Variants in RAB11FIP5 observed in about 807,000 individuals in gnomAD.
RAB11FIP5 encodes the protein RAB11 family interacting protein 5.
Under a neutral mutation model 85.1 loss-of-function variants are expected in RAB11FIP5, and 48 were observed. The observed-to-expected ratio is 0.56, with a 90% CI of 0.45 to 0.72. The LOEUF (loss-of-function observed/expected upper bound fraction) is 0.72. Among genes scored for constraint, RAB11FIP5 ranks in the 30% least tolerant of loss-of-function variants. RAB11FIP5 has a pLI of 0.00. For synonymous variants in RAB11FIP5, 729 were observed against 727.3 expected, an observed-to-expected ratio of 1.00 and a Z score of -0.04; for missense variants, 1,491 against 1,687.0, an observed-to-expected ratio of 0.88 and a Z score of 2.04.
chr2:73,075,363 GCCCCCTTCCA>G lies in RAB11FIP5; in HGVS notation c.*148_*157del. ...GATGCCTCCAAAGGGAATCCAGAGGGCCCCCTTCCAGCAGCCCCAGTTGAGGCAGGAGGGA... is the reference window on the plus strand; with the variant it reads ...GATGCCTCCAAAGGGAATCCAGAGGGGCAGCCCCAGTTGAGGCAGGAGGGA... On this transcript the variant is annotated 3_prime_UTR_variant, in exon 6 of 6. Transcript: ENST00000486777. The surrounding 1 kb of genome is among the most constrained non-coding windows in gnomAD (Gnocchi z 4.6). 1 of 784,748 alleles carries G rather than the reference GCCCCCTTCCA, an allele frequency of 1.3e-6. No individual in the cohort carries two copies. The highest frequency in any genetic ancestry group is 2.2e-6 in the Non-Finnish European group (1 of 451,616). 48.6% of individuals were successfully genotyped at this position (784,748 alleles called of 1,614,324 possible).
intron 1 of RAB11FIP5, among the ~76,000 whole-genome samples, chr2:73,090,281 C>T (rs989690007): frequency 7.2e-5 from 11 of 152,178 alleles, no homozygotes; most frequent in Admixed American, 3.9e-4. Flanking sequence ...ACATGGCCAC[C>T]ACACAGGGTG....
intron 3 of RAB11FIP5, among the ~76,000 whole-genome samples, chr2:73,085,383 T>C (rs908042744): frequency 1.3e-5 from 2 of 152,196 alleles, no homozygotes; most frequent in East Asian, 1.9e-4. Flanking sequence ...CTATGGTTAG[T>C]GTGGGGGGCG....
chr2:73,089,513 G>C lies in RAB11FIP5; in HGVS notation c.432-198C>G. 1 of 684,766 alleles carries C rather than the reference G, an allele frequency of 1.5e-6. No individual in the cohort carries two copies. Among genetic ancestry groups the C allele is most frequent in the Non-Finnish European group, 2.6e-6 (1 of 381,960 alleles). The allele number at this position is 684,766 out of a possible 1,614,324, so 42.4% of individuals were successfully genotyped here. On this transcript the variant is annotated intron_variant, in intron 1 of 5. Coordinates refer to ENST00000486777, the MANE Select transcript of RAB11FIP5 (RefSeq NM_001371272.1). The surrounding 1 kb of genome is among the most constrained non-coding windows in gnomAD (Gnocchi z 4.6). ...GAGAAACTATCCAAAACATTTCCATGATGGAGAAAACCACATCCTGAGTGG... is the reference window on the plus strand; with the variant it reads ...GAGAAACTATCCAAAACATTTCCATCATGGAGAAAACCACATCCTGAGTGG...
chr2:73,082,263 C>T (rs780021915), intron 3 of RAB11FIP5, among the ~76,000 whole-genome samples: 7 of 152,142 alleles, frequency 4.6e-5, no homozygotes, highest in Non-Finnish European at 8.8e-5. Flanking sequence ...CCCACCTGGC[C>T]TCCCAAAGTT....
rs1684093601 is a variant in RAB11FIP5, at chr2:73,086,632, G to A, written c.1568+1418C>T. 6.6e-6 allele frequency among the ~76,000 whole-genome samples: 1 copy of A among 152,182 alleles called. No individual in the cohort carries two copies. The highest frequency in any genetic ancestry group is 2.4e-5 in the African/African-American group (1 of 41,440). ...AGCAAATGCCCTGTCCAGATCTCCT[G>A]CTACCTCCCTCTACCCTACCACCTC... On this transcript the variant is annotated intron_variant, in intron 3 of 5. Coordinates refer to ENST00000486777, the MANE Select transcript of RAB11FIP5 (RefSeq NM_001371272.1). This position sits in a 1 kb window ranked among gnomAD's most constrained non-coding sequence, Gnocchi z 4.4.
At chr2:73,111,077 T>C (rs1684647104) in intron 1 of RAB11FIP5, among the ~76,000 whole-genome samples, 1 of 151,788 alleles carries the variant, frequency 6.6e-6, no homozygotes, top group South Asian at 2.1e-4. Flanking sequence ...AAACAGCAAG[T>C]CATGAAGGAA....
chr2:73,107,444 T>A (rs1301416901), intron 1 of RAB11FIP5, among the ~76,000 whole-genome samples: 1 of 152,188 alleles, frequency 6.6e-6, no homozygotes, highest in African/African-American at 2.4e-5. Context: ...GATGTGGCTC[T>A]GCTGAGCTGT....
At chr2:73,085,156 C>T (rs898838372) in intron 3 of RAB11FIP5, among the ~76,000 whole-genome samples, 1 of 152,200 alleles carries the variant, frequency 6.6e-6, no homozygotes, top group Non-Finnish European at 1.5e-5. Context: ...TACTCATTTA[C>T]ACCACCAAGA....
At chr2:73,106,084 G>C (rs1684521246) in intron 1 of RAB11FIP5, among the ~76,000 whole-genome samples, 1 of 152,096 alleles carries the variant, frequency 6.6e-6, no homozygotes, top group African/African-American at 2.4e-5. Flanking sequence ...AAAAAGCAAA[G>C]TCACTTTACC....
rs767378253 is a variant in RAB11FIP5 at position 73,075,499 on chromosome 2, C to T, written c.*22G>A. On this transcript the variant is annotated 3_prime_UTR_variant, in exon 6 of 6. Coordinates refer to ENST00000486777, the MANE Select transcript of RAB11FIP5 (RefSeq NM_001371272.1). This position sits in a 1 kb window ranked among gnomAD's most constrained non-coding sequence, Gnocchi z 4.6. ...GCAGCAATAGGTCCATGCCAACCCTCCTGGGGGTAGGGTGAGGAAGGCTAT... is the reference window on the plus strand; with the variant it reads ...GCAGCAATAGGTCCATGCCAACCCTTCTGGGGGTAGGGTGAGGAAGGCTAT... 5 of 1,607,560 alleles carry T rather than the reference C, an allele frequency of 3.1e-6. No homozygotes were observed. Among genetic ancestry groups the T allele is most frequent in the Admixed American group, 1.7e-5 (1 of 59,986 alleles).
intron 1 of RAB11FIP5, among the ~76,000 whole-genome samples, chr2:73,103,801 C>T (rs901442110): frequency 6.6e-6 from 1 of 152,172 alleles, no homozygotes; most frequent in Non-Finnish European, 1.5e-5. Context: ...AAGCAACAAC[C>T]CTGCCCAGGA....
At chr2:73,098,943 C>T (rs1684376914) in intron 1 of RAB11FIP5, among the ~76,000 whole-genome samples, 1 of 151,746 alleles carries the variant, frequency 6.6e-6, no homozygotes, top group African/African-American at 2.4e-5. Flanking sequence ...CTCATCACCA[C>T]TTTGAATTGT....
chr2:73,095,831 C>T (rs1439393304), intron 1 of RAB11FIP5, among the ~76,000 whole-genome samples: 1 of 152,092 alleles, frequency 6.6e-6, no homozygotes, highest in Non-Finnish European at 1.5e-5. Context: ...CCTGGCTACA[C>T]ATCACAGACC....
chr2:73,107,671 C>A (rs1023444004), intron 1 of RAB11FIP5, among the ~76,000 whole-genome samples: 2 of 152,200 alleles, frequency 1.3e-5, no homozygotes, highest in African/African-American at 4.8e-5. Flanking sequence ...GCTGCTCAAG[C>A]AACCCCAAAT....
chr2:73,108,175 C>T (rs1684567650), intron 1 of RAB11FIP5, among the ~76,000 whole-genome samples: 1 of 152,208 alleles, frequency 6.6e-6, no homozygotes, highest in Non-Finnish European at 1.5e-5. Context: ...TAAGCAGGGG[C>T]TGAACGGAGC....
At chr2:73,094,120 CAAAAAA>C (rs550613252) in intron 1 of RAB11FIP5, among the ~76,000 whole-genome samples, 4 of 84,668 alleles carry the variant, frequency 4.7e-5, no homozygotes, top group Admixed American at 1.2e-4. Flanking sequence ...GACTTTGTCT[CAAAAAA>C]AAAAAAAAAA....
In RAB11FIP5 at chr2:73,088,404, T is replaced by A. The variant is rs760273170; in HGVS notation, c.1214A>T (p.Glu405Val). ...CAGGACTTTAGCCTGAGCACTCAGC[T>A]CCTCCTGTCCAAGCACTGCCTCTGA... ...SSSEAVLGQE[E>V]LSAQAKVLAP... is the part of the protein sequence containing the mutation. Residue 405 changes from glutamate (E) to valine (V), a missense_variant, in exon 3 of 6, where the codon GAG becomes GTG. Transcript: ENST00000486777. 6.2e-7 allele frequency: 1 copy of A among 1,613,782 alleles called. No homozygotes were observed. The highest frequency in any genetic ancestry group is 1.1e-5 in the South Asian group (1 of 91,080).
rs1006500127 is a variant in RAB11FIP5 at position 73,086,701 on chromosome 2, T to G, written c.1568+1349A>C. On this transcript the variant is annotated intron_variant, in intron 3 of 5. Transcript: ENST00000486777. This position sits in a 1 kb window ranked among gnomAD's most constrained non-coding sequence, Gnocchi z 4.4. ...TGTCACAGGGACACCAGGCTCAGCCTGGCATCTGGGAAAGGCCTGTCCCCT... is the reference window on the plus strand; with the variant it reads ...TGTCACAGGGACACCAGGCTCAGCCGGGCATCTGGGAAAGGCCTGTCCCCT... 1.3e-5 allele frequency among the ~76,000 whole-genome samples: 2 copies of G among 152,150 alleles called. No individual in the cohort carries two copies. Among genetic ancestry groups the G allele is most frequent in the African/African-American group, 4.8e-5 (2 of 41,426 alleles).
In RAB11FIP5 at chr2:73,089,308, T is replaced by C; in HGVS notation, c.439A>G (p.Lys147Glu). The C allele has an allele frequency of 6.2e-7, 1 of 1,613,490 alleles. No homozygotes were observed. The highest frequency in any genetic ancestry group is 8.5e-7 in the Non-Finnish European group (1 of 1,179,966). ...TTCTTGCCTGGCTTGGAGTGCAGCT[T>C]GTACCACCTGTGAGAAGAGGGGAGC... ...AGRAQHTQWY[K>E]LHSKPGKKEK... The change falls in exon 2 of 6, where the codon AAG (lysine) becomes GAG (glutamate). Residue 147 changes from lysine (K) to glutamate (E), a missense_variant. Around this residue, in one of 3 missense-constraint regions of RAB11FIP5, gnomAD observed 1,211 missense variants for 1,338.0 expected, o/e 0.91. Transcript: ENST00000486777. This position sits in a 1 kb window ranked among gnomAD's most constrained non-coding sequence, Gnocchi z 4.6.
Sources: gnomAD v4.1 joint callset for allele counts (sites outside exome capture counted in the v4.1 genomes callset) on GRCh38, gnomAD v4.1.1 for gene constraint, gnomAD v4.1.1 regional missense constraint, Gnocchi (gnomAD v3.1) non-coding constraint, MANE v1.5 for transcripts, NCBI Gene and HGNC (gene_info 2026-07-23, HGNC 2026-07-21) for gene names.